Variants in LINGO2 observed in about 807,000 individuals in gnomAD.
LINGO2 encodes leucine-rich repeat and immunoglobulin-like domain-containing nogo receptor-interacting protein 2.
Under a neutral mutation model 30.6 loss-of-function variants are expected in LINGO2, and 14 were observed. The ratio of observed to expected loss-of-function variants is 0.46; its 90% CI spans 0.30 to 0.72. LINGO2 has a LOEUF of 0.72. Among genes scored for constraint, LINGO2 ranks in the 30% least tolerant of loss-of-function variants. The pLI is 0.07. For missense variants in LINGO2, 729 were observed against 751.7 expected (o/e 0.97, Z 0.35); for synonymous variants, 317 against 288.5 (o/e 1.10, Z -1.00).
At chr9:28,092,739 A>C (rs1275102919) in intron 4 of LINGO2, among the ~76,000 whole-genome samples, 1 of 151,980 alleles carries the variant, frequency 6.6e-6, no homozygotes, top group African/African-American at 2.4e-5. Flanking sequence ...TTAAAAAAGA[A>C]AAAACTGAAA....
chr9:29,158,584 T>C, the LINGO2 span, among the ~76,000 whole-genome samples: 1 of 152,136 alleles, frequency 6.6e-6, no homozygotes, highest in Non-Finnish European at 1.5e-5. Context: ...CTCAGAATTA[T>C]TCTCTTGACA....
chr9:29,105,934 C>T, the LINGO2 span, among the ~76,000 whole-genome samples: 9 of 152,266 alleles, frequency 5.9e-5, no homozygotes, highest in East Asian at 1.5e-3. Context: ...AGAAGCAGCT[C>T]TTTCTCCTGT....
the LINGO2 span, among the ~76,000 whole-genome samples, chr9:29,066,137 T>C: frequency 6.6e-6 from 1 of 151,832 alleles, no homozygotes; most frequent in Non-Finnish European, 1.5e-5. Flanking sequence ...TCTCGCAAGT[T>C]ATTAATATTT....
At chr9:28,080,421 C>T (rs1354614336) in intron 4 of LINGO2, among the ~76,000 whole-genome samples, 1 of 152,146 alleles carries the variant, frequency 6.6e-6, no homozygotes, top group Non-Finnish European at 1.5e-5. Context: ...GCTTTAGAGA[C>T]TGTAGATTTT....
the LINGO2 span, among the ~76,000 whole-genome samples, chr9:28,902,703 T>C: frequency 6.6e-6 from 1 of 151,906 alleles, no homozygotes; most frequent in African/African-American, 2.4e-5. Context: ...ACCAAAACAG[T>C]ACAAAACTAG....
rs766825127 is a variant in LINGO2 at position 28,598,418 on chromosome 9, C to CAA, written c.-365+71780_-365+71781dup. Among the ~76,000 whole-genome samples, 1,078 of 108,986 alleles carry CAA rather than the reference C, an allele frequency of 9.9e-3. 7 individuals carry two copies. Among genetic ancestry groups the CAA allele is most frequent in the African/African-American group, 0.016 (437 of 27,274 alleles). 71.5% of individuals were successfully genotyped at this position (108,986 alleles called of 152,430 possible). A position where few individuals can be genotyped will look rare whatever the true frequency, so the allele number is the denominator to read the frequency against. On this transcript the variant is annotated intron_variant, in intron 1 of 5. Coordinates refer to ENST00000379992, the Ensembl canonical transcript of LINGO2. ...GTAAAGAAGAATTTGTTCTCCATATCAAAAAAAAAAAAAAAACAAAACAAA... is the reference window on the plus strand; with the variant it reads ...GTAAAGAAGAATTTGTTCTCCATATCAAAAAAAAAAAAAAAAAACAAAACAAA...
At chr9:28,336,418 T>G (rs1469824788) in intron 3 of LINGO2, among the ~76,000 whole-genome samples, 1 of 152,194 alleles carries the variant, frequency 6.6e-6, no homozygotes, top group African/African-American at 2.4e-5. Context: ...TTATTAATTT[T>G]GAGAAAATCC....
chr9:28,643,630 T>G (rs1178014809), intron 1 of LINGO2, among the ~76,000 whole-genome samples: 1 of 151,982 alleles, frequency 6.6e-6, no homozygotes, highest in East Asian at 1.9e-4. Context: ...TGGGCAAACA[T>G]TTCTTCAGGA....
chr9:28,593,317 C>G lies in LINGO2; in HGVS notation c.-365+76883G>C, dbSNP rs534970837. On this transcript the variant is annotated intron_variant, in intron 1 of 5. Coordinates refer to ENST00000379992, the Ensembl canonical transcript of LINGO2. ...CCATGCACATAATTACTAATCCTCACAGCAGCCTGAAAGGGAGGATACTAT... is the reference window on the plus strand; with the variant it reads ...CCATGCACATAATTACTAATCCTCAGAGCAGCCTGAAAGGGAGGATACTAT... 6.6e-5 allele frequency among the ~76,000 whole-genome samples: 10 copies of G among 152,178 alleles called. No individual in the cohort carries two copies. The South Asian group carries it at 1.2e-3, about 19-fold the overall frequency.
chr9:29,035,626 G>A, the LINGO2 span, among the ~76,000 whole-genome samples: 2 of 150,152 alleles, frequency 1.3e-5, no homozygotes, highest in African/African-American at 2.4e-5. Context: ...AAGGTACATC[G>A]GAAGAAGGAA....
the LINGO2 span, among the ~76,000 whole-genome samples, chr9:28,871,835 C>T: frequency 3.9e-5 from 6 of 151,938 alleles, no homozygotes; most frequent in Non-Finnish European, 5.9e-5. Context: ...AATATGAATA[C>T]TAGTACTTAT....
the LINGO2 span, among the ~76,000 whole-genome samples, chr9:28,979,693 G>C: frequency 1.3e-5 from 2 of 150,238 alleles, no homozygotes; most frequent in Non-Finnish European, 3.0e-5. Context: ...TCTATACATT[G>C]ATGCTACAAA....
At chr9:28,910,487 T>C in the LINGO2 span, among the ~76,000 whole-genome samples, 1 of 152,020 alleles carries the variant, frequency 6.6e-6, no homozygotes, top group East Asian at 1.9e-4. Flanking sequence ...CCAAATCTCA[T>C]GTCAAATTGT....
intron 5 of LINGO2, among the ~76,000 whole-genome samples, chr9:27,971,487 ATTC>A (rs1205438797): frequency 1.3e-5 from 2 of 152,236 alleles, no homozygotes; most frequent in East Asian, 1.9e-4. Flanking sequence ...GGTTCAAGCA[ATTC>A]TTCTGCTTCA....
intron 1 of LINGO2, among the ~76,000 whole-genome samples, chr9:28,551,306 T>C (rs1822266263): frequency 6.6e-6 from 1 of 151,832 alleles, no homozygotes; most frequent in Non-Finnish European, 1.5e-5. Flanking sequence ...GAACTATAAA[T>C]GGCCTTGTAT....
At chr9:28,362,711 C>T (rs1346928986) in intron 3 of LINGO2, among the ~76,000 whole-genome samples, 1 of 152,118 alleles carries the variant, frequency 6.6e-6, no homozygotes, top group African/African-American at 2.4e-5. Flanking sequence ...CTCAGGTAAT[C>T]CGCCTGCCTC....
At chr9:28,435,006 T>A (rs1823866583) in intron 2 of LINGO2, among the ~76,000 whole-genome samples, 1 of 152,008 alleles carries the variant, frequency 6.6e-6, no homozygotes, top group African/African-American at 2.4e-5. Flanking sequence ...TCATTTTACT[T>A]AAAAAAAATT....
At chr9:28,161,937 C>T (rs1828298796) in intron 4 of LINGO2, among the ~76,000 whole-genome samples, 1 of 151,832 alleles carries the variant, frequency 6.6e-6, no homozygotes, top group Non-Finnish European at 1.5e-5. Flanking sequence ...TCAATGCTGT[C>T]CTTAAAATAT....
intron 3 of LINGO2, among the ~76,000 whole-genome samples, chr9:28,311,010 G>A (rs527477010): frequency 3.3e-5 from 5 of 152,164 alleles, no homozygotes; most frequent in African/African-American, 4.8e-5. Context: ...ATTCACCCCC[G>A]ATATTTCATG....
Sources: allele counts gnomAD v4.1 joint callset (sites outside exome capture counted in the v4.1 genomes callset), GRCh38; gene constraint gnomAD v4.1.1; transcripts MANE v1.5; gene names NCBI Gene and HGNC (gene_info 2026-07-23, HGNC 2026-07-21).